EMC8: variants seen among roughly 807,000 people sequenced by gnomAD.
EMC8 encodes ER membrane protein complex subunit 8, also known as COX4 neighbor.
Under a neutral mutation model 24.3 loss-of-function variants are expected in EMC8, and 11 were observed. The observed-to-expected ratio is 0.45, with a 90% CI of 0.28 to 0.75. The LOEUF is 0.75. EMC8 is among the 30% of genes least tolerant of loss of function. The pLI is 0.12. For missense variants in EMC8, 277 were observed against 282.7 expected, an observed-to-expected ratio of 0.98 and a Z score of 0.14; for synonymous variants, 145 against 117.7, an observed-to-expected ratio of 1.23 and a Z score of -1.50.
At chr16:85,796,574 A>G (rs758371473) in intron 1 of EMC8, among the ~76,000 whole-genome samples, 2 of 152,128 alleles carry the variant, frequency 1.3e-5, no homozygotes, top group Non-Finnish European at 2.9e-5. Context: ...TGCATGATCT[A>G]CAAGGTCACT....
chr16:85,780,536 C>A (rs1409132827), intron 3 of EMC8, 63 bp from the exon 4 acceptor site: 8 of 1,242,162 alleles, frequency 6.4e-6, no homozygotes, highest in African/African-American at 1.5e-5. Context: ...GCGGCAGGCG[C>A]CTCCTCGGGG....
chr16:85,798,935 C>T, intron 1 of EMC8, 130 bp downstream of exon 1: 1 of 641,544 alleles, frequency 1.6e-6, no homozygotes, highest in East Asian at 2.8e-5. Flanking sequence ...CACCCCATTC[C>T]TGGCCACGGC....
intron 1 of EMC8, among the ~76,000 whole-genome samples, chr16:85,793,574 G>A (rs1389596808): frequency 6.6e-6 from 1 of 152,202 alleles, no homozygotes; most frequent in African/African-American, 2.4e-5. Flanking sequence ...TGAACAAAGG[G>A]CAGGAGGGAG....
chr16:85,781,500 A>G (rs1904497622), intron 2 of EMC8: 1 of 480,522 alleles, frequency 2.1e-6, no homozygotes, highest in Non-Finnish European at 3.8e-6. Context: ...ACGCAATCAT[A>G]GCCCACTGTA....
intron 2 of EMC8, among the ~76,000 whole-genome samples, chr16:85,784,111 G>A (rs938130299): frequency 2.0e-5 from 3 of 152,074 alleles, no homozygotes; most frequent in African/African-American, 4.8e-5. Flanking sequence ...CCATTCTCCT[G>A]CCTCAGCCTC....
chr16:85,793,353 G>T (rs16939751), intron 1 of EMC8, among the ~76,000 whole-genome samples: 2 of 152,176 alleles, frequency 1.3e-5, no homozygotes, highest in African/African-American at 4.8e-5. Flanking sequence ...TTCAGAAGTA[G>T]AGCAACTGTT....
chr16:85,783,684 A>C (rs1024972940), intron 2 of EMC8, among the ~76,000 whole-genome samples: 11 of 152,230 alleles, frequency 7.2e-5, no homozygotes, highest in Middle Eastern at 6.8e-3. Context: ...CAATGTCAGG[A>C]AATCTGCCTA....
chr16:85,779,941 G>C (rs1369840959), intron 4 of EMC8, 74 bp from the exon 5 acceptor site: 2 of 1,280,848 alleles, frequency 1.6e-6, no homozygotes, highest in Non-Finnish European at 2.2e-6. Flanking sequence ...AAGAGAGAAG[G>C]CCAGCCACAT....
chr16:85,792,730 C>G (rs977557992), intron 1 of EMC8: 3 of 152,218 alleles, frequency 2.0e-5, no homozygotes, highest in African/African-American at 7.2e-5. Flanking sequence ...GCATGAAAAG[C>G]TGCGGTGGAT....
intron 1 of EMC8, among the ~76,000 whole-genome samples, chr16:85,790,926 A>G (rs1904979693): frequency 6.6e-6 from 1 of 152,134 alleles, no homozygotes; most frequent in African/African-American, 2.4e-5. Context: ...TCCTGGGCTC[A>G]AGTGATCCTC....
chr16:85,780,191 G>C, intron 4 of EMC8, 188 bp downstream of exon 4: 1 of 614,116 alleles, frequency 1.6e-6, no homozygotes, highest in East Asian at 2.7e-5. Context: ...AGACCTGTGG[G>C]TACCACTGAG....
intron 1 of EMC8, among the ~76,000 whole-genome samples, chr16:85,790,429 G>T (rs1227219371): frequency 6.6e-6 from 1 of 152,078 alleles, no homozygotes; most frequent in African/African-American, 2.4e-5. Flanking sequence ...TCAGGATTAT[G>T]TCTGTAAAAT....
Position 85,781,194 on chromosome 16 carries a change from G to A in EMC8, c.378+17C>T. ...GAGGCGCAAGGGCCTCCCACATGCT[G>A]CACAGAAGCGACTTACCATGATGAG... On this transcript the variant is annotated intron_variant, in intron 3 of 4. Transcript: ENST00000253457. The A allele has an allele frequency of 1.2e-6, 2 of 1,607,440 alleles. No homozygotes were observed. The highest frequency in any genetic ancestry group is 1.7e-6 in the Non-Finnish European group (2 of 1,174,104).
rs1262440660 is a variant in EMC8, at chr16:85,778,905, A to G, written c.*803T>C. On this transcript the variant is annotated 3_prime_UTR_variant, in exon 5 of 5. Coordinates refer to ENST00000253457, the MANE Select transcript of EMC8 (RefSeq NM_006067.5). ...AAACTTGACCAAATGTTCTAAGTATAAAAAGTACAGACGTCACTCTGCACA... is the reference window on the plus strand; with the variant it reads ...AAACTTGACCAAATGTTCTAAGTATGAAAAGTACAGACGTCACTCTGCACA... 1 of 152,226 alleles carries G rather than the reference A, an allele frequency of 6.6e-6. No individual in the cohort carries two copies. The highest frequency in any genetic ancestry group is 3.2e-3 in the Middle Eastern group (1 of 316). 9.4% of individuals were successfully genotyped at this position (152,226 alleles called of 1,614,324 possible). A position where few individuals can be genotyped will look rare whatever the true frequency, so the allele number is the denominator to read the frequency against.
At chr16:85,786,081 C>G (rs1225380791) in intron 2 of EMC8, among the ~76,000 whole-genome samples, 1 of 152,166 alleles carries the variant, frequency 6.6e-6, no homozygotes, top group African/African-American at 2.4e-5. Flanking sequence ...GTAACAGCAC[C>G]AGCCACTACT....
At chr16:85,793,271 C>T (rs1905093074) in intron 1 of EMC8, among the ~76,000 whole-genome samples, 1 of 152,212 alleles carries the variant, frequency 6.6e-6, no homozygotes, top group Non-Finnish European at 1.5e-5. Flanking sequence ...GGGACCACAA[C>T]TTGCCACTTA....
At chr16:85,787,135 C>T (rs987173245) in intron 2 of EMC8, among the ~76,000 whole-genome samples, 11 of 152,146 alleles carry the variant, frequency 7.2e-5, no homozygotes, top group Non-Finnish European at 1.3e-4. Context: ...AGCTGTGGCC[C>T]AACCTACCTG....
At position 85,778,833 on chromosome 16, in the gene EMC8, A is replaced by G. The variant is rs1597196730; in HGVS notation, c.*875T>C. 1 of 152,246 alleles carries G rather than the reference A, an allele frequency of 6.6e-6. No individual in the cohort carries two copies. The highest frequency in any genetic ancestry group is 1.5e-5 in the Non-Finnish European group (1 of 68,040). The allele number at this position is 152,246 out of a possible 1,614,324, so 9.4% of individuals were successfully genotyped here. A position where few individuals can be genotyped will look rare whatever the true frequency, so the allele number is the denominator to read the frequency against. On this transcript the variant is annotated 3_prime_UTR_variant, in exon 5 of 5. Coordinates refer to ENST00000253457, the MANE Select transcript of EMC8 (RefSeq NM_006067.5). ...AATTCATATAAAAAGGAAAAAAGGTAAACGTACCATAAAGTTTCCCTCTCA... is the reference window on the plus strand; with the variant it reads ...AATTCATATAAAAAGGAAAAAAGGTGAACGTACCATAAAGTTTCCCTCTCA...
chr16:85,789,078 G>C (rs1302146658), intron 1 of EMC8, 28 bp from the exon 2 acceptor site: 1 of 1,435,578 alleles, frequency 7.0e-7, no homozygotes, highest in Non-Finnish European at 9.8e-7. Context: ...ATTGGGAAAA[G>C]ATGAATGACT....
Sources: gnomAD v4.1 joint callset for allele counts (sites outside exome capture counted in the v4.1 genomes callset) on GRCh38, gnomAD v4.1.1 for gene constraint, MANE v1.5 for transcripts, NCBI Gene and HGNC (gene_info 2026-07-23, HGNC 2026-07-21) for gene names.